Variants in NUCKS1 observed in about 807,000 individuals in gnomAD.
NUCKS1 encodes nuclear ubiquitous casein and cyclin-dependent kinase substrate 1.
In NUCKS1, 2 loss-of-function variants were observed where a neutral mutation model predicts 33.0. The observed-to-expected ratio is 0.06, with a 90% CI of 0.02 to 0.19. The LOEUF is 0.19. NUCKS1 is among the 10% of genes least tolerant of loss of function. The pLI, the probability that NUCKS1 is intolerant of heterozygous loss-of-function variation, is 1.00. For synonymous variants in NUCKS1, 106 were observed against 102.8 expected, an observed-to-expected ratio of 1.03 and a Z score of -0.19; for missense variants, 201 against 293.6, an observed-to-expected ratio of 0.68 and a Z score of 2.31.
chr1:205,744,601 TCA>T (rs1017034955), intron 1 of NUCKS1, among the ~76,000 whole-genome samples: 2 of 147,916 alleles, frequency 1.4e-5, no homozygotes, highest in African/African-American at 5.0e-5. Flanking sequence ...CTTTCATATC[TCA>T]GTGTGAAAAT....
Position 205,750,146 on chromosome 1 carries a change from G to C in NUCKS1, c.-173C>G. On this transcript the variant is annotated 5_prime_UTR_variant, in exon 1 of 7. Transcript: ENST00000367142. The stretch of plus-strand genomic sequence containing the variant: ...TCTTTGGTTCAGGGCTCCTGGAACA[G>C]ACGAGCCCCCCGCTCCCCCGTCTCT... 1 of 664,094 alleles carries C rather than the reference G, an allele frequency of 1.5e-6. No homozygotes were observed. The highest frequency in any genetic ancestry group is 2.6e-6 in the Non-Finnish European group (1 of 381,044). The allele number at this position is 664,094 out of a possible 1,614,324, so 41.1% of individuals were successfully genotyped here. A position where few individuals can be genotyped will look rare whatever the true frequency, so the allele number is the denominator to read the frequency against.
Position 205,716,118 on chromosome 1 carries a change from G to T in NUCKS1, c.*2162C>A, listed in dbSNP as rs1304775357. ...CCCTAAACAAGAAGCCCAATCAAAT[G>T]CACACAAGTAATCTAGAAGACATGA... On this transcript the variant is annotated 3_prime_UTR_variant, in exon 7 of 7. Coordinates refer to ENST00000367142, the MANE Select transcript of NUCKS1 (RefSeq NM_022731.5). The T allele has an allele frequency of 6.6e-6, 1 of 152,124 alleles. No homozygotes were observed. The highest frequency in any genetic ancestry group is 1.5e-5 in the Non-Finnish European group (1 of 68,028). 9.4% of individuals were successfully genotyped at this position (152,124 alleles called of 1,614,324 possible).
At chr1:205,745,048 A>G (rs747246125) in intron 1 of NUCKS1, among the ~76,000 whole-genome samples, 8 of 152,198 alleles carry the variant, frequency 5.3e-5, no homozygotes, top group Non-Finnish European at 1.2e-4. Flanking sequence ...TTTTTCAAAA[A>G]TTTTAAACCA....
chr1:205,737,129 T>C (rs141855683), intron 1 of NUCKS1, among the ~76,000 whole-genome samples: 13 of 152,260 alleles, frequency 8.5e-5, no homozygotes, highest in African/African-American at 2.9e-4. Flanking sequence ...GCACCCAGGA[T>C]GAAACATAAT....
intron 4 of NUCKS1, 123 bp from the exon 5 acceptor site, chr1:205,720,776 T>C (rs1671904707): frequency 2.2e-6 from 2 of 910,866 alleles, no homozygotes; most frequent in Non-Finnish European, 1.6e-6. Flanking sequence ...GTGGCCAATA[T>C]AGGATATAAT....
chr1:205,725,325 T>C (rs1047764943), intron 3 of NUCKS1, among the ~76,000 whole-genome samples: 2 of 152,238 alleles, frequency 1.3e-5, no homozygotes, highest in African/African-American at 4.8e-5. Flanking sequence ...CTTCAAAGCT[T>C]TCCTTTCTCA....
chr1:205,743,644 T>A (rs1654236732), intron 1 of NUCKS1, among the ~76,000 whole-genome samples: 1 of 152,234 alleles, frequency 6.6e-6, no homozygotes. Context: ...CTTGATCACA[T>A]ATATTTTTAA....
At chr1:205,719,260 C>G (rs1001056273) in intron 6 of NUCKS1, among the ~76,000 whole-genome samples, 3 of 152,180 alleles carry the variant, frequency 2.0e-5, no homozygotes, top group African/African-American at 7.2e-5. Context: ...ACCACTGTGT[C>G]TGAAACAAAT....
rs1219436973 is a variant in NUCKS1, at chr1:205,715,101, A to G, written c.*3179T>C. On this transcript the variant is annotated 3_prime_UTR_variant, in exon 7 of 7. Transcript: ENST00000367142. ...CACAGATAAAAAAGCCATTAAAAAA[A>G]AGAGTCAAGTTTAGTCTAGCTGACC... 6.6e-6 allele frequency: 1 copy of G among 152,242 alleles called. No individual in the cohort carries two copies. The highest frequency in any genetic ancestry group is 2.4e-5 in the African/African-American group (1 of 41,466). 9.4% of individuals were successfully genotyped at this position (152,242 alleles called of 1,614,324 possible).
chr1:205,748,790 C>G (rs1654396634), intron 1 of NUCKS1, among the ~76,000 whole-genome samples: 2 of 152,166 alleles, frequency 1.3e-5, no homozygotes, highest in African/African-American at 2.4e-5. Flanking sequence ...GGGGAAGCAA[C>G]GACTGTTAAA....
intron 2 of NUCKS1, among the ~76,000 whole-genome samples, chr1:205,728,971 G>C (rs1653843411): frequency 6.6e-6 from 1 of 151,960 alleles, no homozygotes; most frequent in Admixed American, 6.6e-5. Flanking sequence ...CCTGGCTGTA[G>C]TGGATTTTTT....
Position 205,719,668 on chromosome 1 carries a change from C to T in NUCKS1, c.391G>A (p.Gly131Ser), listed in dbSNP as rs750196093. The T allele has an allele frequency of 9.3e-6, 15 of 1,607,234 alleles. No homozygotes were observed. Among genetic ancestry groups the T allele is most frequent in the East Asian group, 4.5e-5 (2 of 44,820 alleles). The stretch of plus-strand genomic sequence containing the variant: ...TCCATTAGGAAATCTTCATCGCTGC[C>T]GGAATCTTCTGAGAAGAAAGAAGAA... ...DEAPFQEKDS[G>S]SDEDFLMEDD... Residue 131 changes from glycine (G) to serine (S), a missense_variant, in exon 6 of 7, where the codon GGC becomes AGC. Transcript: ENST00000367142.
chr1:205,721,276 TAAA>T (rs879871307), intron 4 of NUCKS1, among the ~76,000 whole-genome samples: 5 of 127,186 alleles, frequency 3.9e-5, no homozygotes, highest in Non-Finnish European at 6.7e-5. Context: ...TCCCACAACA[TAAA>T]AAAAAAAAAA....
At position 205,720,511 on chromosome 1, in the gene NUCKS1, T is replaced by A; in HGVS notation, c.372A>T (p.Pro124=). The change falls in exon 5 of 7, where the codon CCA becomes CCT. Residue 124 remains proline (P), a synonymous_variant. Coordinates refer to ENST00000367142, the MANE Select transcript of NUCKS1 (RefSeq NM_022731.5). ...AACAACTTCACATACTCTCCTGGAA[T>A]GGTGCCTCATCCTCCTCTTCTTGTT... is the stretch of plus-strand genomic sequence containing the variant. ...EEEQEEEDEA[P]FQEKDSGSDE... 6.2e-7 allele frequency: 1 copy of A among 1,613,768 alleles called. No individual in the cohort carries two copies. The highest frequency in any genetic ancestry group is 8.5e-7 in the Non-Finnish European group (1 of 1,179,934).
chr1:205,748,445 G>A (rs1427392448), intron 1 of NUCKS1, among the ~76,000 whole-genome samples: 2 of 152,214 alleles, frequency 1.3e-5, no homozygotes, highest in Non-Finnish European at 1.5e-5. Context: ...AATATTCTAC[G>A]TGAGTTGATG....
At chr1:205,736,204 G>A (rs778322723) in intron 1 of NUCKS1, among the ~76,000 whole-genome samples, 22 of 151,816 alleles carry the variant, frequency 1.4e-4, no homozygotes, top group Non-Finnish European at 2.5e-4. Flanking sequence ...CTCCCTTCTC[G>A]GCCTCTCAAA....
At position 205,714,026 on chromosome 1, in the gene NUCKS1, C is replaced by T. The variant is rs1362582561; in HGVS notation, c.*4254G>A. On this transcript the variant is annotated 3_prime_UTR_variant, in exon 7 of 7. Coordinates refer to ENST00000367142, the MANE Select transcript of NUCKS1 (RefSeq NM_022731.5). ...GTAGGAATTAGATGCATAAGGTTTG[C>T]TGCAACATGTTCATGGTAAACAAAC... The T allele has an allele frequency of 6.6e-6, 1 of 152,148 alleles. No homozygotes were observed. The highest frequency in any genetic ancestry group is 1.5e-5 in the Non-Finnish European group (1 of 68,012). 9.4% of individuals were successfully genotyped at this position (152,148 alleles called of 1,614,324 possible).
chr1:205,739,671 G>A (rs1654117078), intron 1 of NUCKS1, among the ~76,000 whole-genome samples: 1 of 152,020 alleles, frequency 6.6e-6, no homozygotes, highest in Non-Finnish European at 1.5e-5. Context: ...GCCCAGGTTA[G>A]TCTCAAACTC....
intron 2 of NUCKS1, 122 bp from the exon 3 acceptor site, chr1:205,727,927 T>C (rs1558051572): frequency 4.2e-6 from 3 of 710,904 alleles, no homozygotes; most frequent in African/African-American, 1.8e-5. Context: ...ATTTCCCAAA[T>C]AGTTTCTTTC....
Sources: gnomAD v4.1 joint callset for allele counts (sites outside exome capture counted in the v4.1 genomes callset) on GRCh38, gnomAD v4.1.1 for gene constraint, MANE v1.5 for transcripts, NCBI Gene and HGNC (gene_info 2026-07-23, HGNC 2026-07-21) for gene names.